ATXN8OS: variants seen among roughly 807,000 people sequenced by gnomAD.
The protein encoded by ATXN8OS is ATXN8 opposite strand (non-protein coding).
At chr13:70,165,230 A>G (rs2137507116) in intron 4 of ATXN8OS, among the ~76,000 whole-genome samples, 1 of 152,014 alleles carries the variant, frequency 6.6e-6, no homozygotes, top group East Asian at 1.9e-4. Context: ...AAATAAGAGC[A>G]TAGAAGAGTA....
At chr13:70,145,025 G>A (rs1270138985) in intron 3 of ATXN8OS, among the ~76,000 whole-genome samples, 2 of 152,020 alleles carry the variant, frequency 1.3e-5, no homozygotes, top group Admixed American at 1.3e-4. Flanking sequence ...ATTAATTTTT[G>A]TATAAGGTGT....
At chr13:70,141,664 T>A (rs1424028732) in intron 3 of ATXN8OS, among the ~76,000 whole-genome samples, 1 of 152,002 alleles carries the variant, frequency 6.6e-6, no homozygotes, top group Non-Finnish European at 1.5e-5. Flanking sequence ...AAGTGTTGTT[T>A]TGTTACTTTT....
chr13:70,117,986 T>C (rs1332129503), intron 2 of ATXN8OS, among the ~76,000 whole-genome samples: 1 of 152,124 alleles, frequency 6.6e-6, no homozygotes. Flanking sequence ...AATCACAACA[T>C]TGATTTTTTG....
chr13:70,153,163 G>C (rs79843037), intron 4 of ATXN8OS, among the ~76,000 whole-genome samples: 1 of 152,050 alleles, frequency 6.6e-6, no homozygotes, highest in Non-Finnish European at 1.5e-5. Flanking sequence ...ATCTCTGAGA[G>C]CAGAGACATT....
At chr13:70,121,268 C>T (rs1173079646) in intron 2 of ATXN8OS, among the ~76,000 whole-genome samples, 1 of 151,988 alleles carries the variant, frequency 6.6e-6, no homozygotes, top group Non-Finnish European at 1.5e-5. Flanking sequence ...GAAAGCCACT[C>T]GGGTAGCAAA....
intron 4 of ATXN8OS, among the ~76,000 whole-genome samples, chr13:70,152,919 C>A (rs1327667748): frequency 6.6e-6 from 1 of 150,502 alleles, no homozygotes; most frequent in East Asian, 1.9e-4. Context: ...AAAGGGAAAA[C>A]CAACCAATAA....
chr13:70,126,955 ATATATC>A (rs1207582876), intron 2 of ATXN8OS, among the ~76,000 whole-genome samples: 1 of 151,828 alleles, frequency 6.6e-6, no homozygotes, highest in Non-Finnish European at 1.5e-5. Flanking sequence ...TATATACACT[ATATATC>A]TATCTATAGA....
At chr13:70,167,984 C>T (rs1020586963) in intron 4 of ATXN8OS, among the ~76,000 whole-genome samples, 1 of 152,034 alleles carries the variant, frequency 6.6e-6, no homozygotes, top group Non-Finnish European at 1.5e-5. Flanking sequence ...CGTCAGTCTC[C>T]CACAGTGCTG....
chr13:70,152,366 T>C (rs201438500), intron 4 of ATXN8OS, among the ~76,000 whole-genome samples: 1 of 151,772 alleles, frequency 6.6e-6, no homozygotes, highest in South Asian at 2.1e-4. Context: ...TGTGTATATA[T>C]ACATATATAT....
intron 2 of ATXN8OS, among the ~76,000 whole-genome samples, chr13:70,121,215 A>G (rs17744936): frequency 0.22 from 33,922 of 152,030 alleles, 3,989 homozygotes; most frequent in Admixed American, 0.29. Flanking sequence ...AATGATCAAC[A>G]TAAGAGCAGG....
At chr13:70,147,242 A>G (rs6562609) in intron 3 of ATXN8OS, among the ~76,000 whole-genome samples, 35,944 of 152,106 alleles carry the variant, frequency 0.24, 4,795 homozygotes, top group East Asian at 0.53. Flanking sequence ...CTAATATAAG[A>G]ATGCTAATTA....
intron 3 of ATXN8OS, among the ~76,000 whole-genome samples, chr13:70,133,326 G>A (rs1022643086): frequency 6.6e-6 from 1 of 152,116 alleles, no homozygotes; most frequent in Non-Finnish European, 1.5e-5. Context: ...AAGCTGAAGT[G>A]GGAAGATTTC....
chr13:70,109,482 G>A (rs1455379784), intron 1 of ATXN8OS, among the ~76,000 whole-genome samples: 1 of 152,180 alleles, frequency 6.6e-6, no homozygotes, highest in Admixed American at 6.5e-5. Flanking sequence ...CCCCAAGGTT[G>A]AGCTGTAAAC....
intron 2 of ATXN8OS, among the ~76,000 whole-genome samples, chr13:70,123,804 A>G (rs2137477521): frequency 6.6e-6 from 1 of 152,246 alleles, no homozygotes; most frequent in South Asian, 2.1e-4. Context: ...GTTGTCACCA[A>G]GGATCTCACT....
intron 4 of ATXN8OS, among the ~76,000 whole-genome samples, chr13:70,155,838 TTC>T (rs1488183159): frequency 2.0e-5 from 3 of 152,056 alleles, no homozygotes; most frequent in South Asian, 4.1e-4. Flanking sequence ...CATCTTAACT[TTC>T]TGTCATATAT....
rs571419249 is a variant in ATXN8OS at position 70,149,796 on chromosome 13, C to T, written n.573+2368C>T. Among the ~76,000 whole-genome samples, 17 of 152,066 alleles carry T rather than the reference C, an allele frequency of 1.1e-4. 1 individual carries two copies. In the East Asian group the frequency reaches 3.3e-3, roughly 30 times the overall value. On this transcript the variant is annotated intron_variant and non_coding_transcript_variant, in intron 4 of 4. Coordinates refer to ENST00000678624, the Ensembl canonical transcript of ATXN8OS. The stretch of plus-strand genomic sequence containing the variant: ...GGCATGCAAGGAATGATTAGCCATT[C>T]CAATTAAAACAACCACTGTGGGTAT...
intron 2 of ATXN8OS, among the ~76,000 whole-genome samples, chr13:70,116,430 G>A (rs1258103699): frequency 1.3e-5 from 2 of 152,102 alleles, no homozygotes; most frequent in African/African-American, 4.8e-5. Context: ...GTGTATGAGC[G>A]ACAGTGCCAT....
At chr13:70,168,016 G>T (rs571031484) in intron 4 of ATXN8OS, among the ~76,000 whole-genome samples, 2 of 152,148 alleles carry the variant, frequency 1.3e-5, no homozygotes, top group African/African-American at 4.8e-5. Flanking sequence ...GTGAGCCACC[G>T]CGCCCGGCCA....
intron 4 of ATXN8OS, among the ~76,000 whole-genome samples, chr13:70,159,202 T>G (rs112771775): frequency 6.7e-6 from 1 of 150,010 alleles, no homozygotes; most frequent in African/African-American, 2.5e-5. Flanking sequence ...TCTCTCTCAC[T>G]TTTTATTACA....
Sources: allele counts gnomAD v4.1 joint callset (sites outside exome capture counted in the v4.1 genomes callset), GRCh38; gene constraint gnomAD v4.1.1; transcripts MANE v1.5; gene names NCBI Gene and HGNC (gene_info 2026-07-23, HGNC 2026-07-21).